Variants in MED12L observed in about 807,000 individuals in gnomAD.
MED12L encodes mediator of RNA polymerase II transcription subunit 12-like protein.
Under a neutral mutation model 281.3 loss-of-function variants are expected in MED12L, and 60 were observed. The ratio of observed to expected loss-of-function variants is 0.21; its 90% CI spans 0.17 to 0.26. MED12L has a LOEUF of 0.26. Among genes scored for constraint, MED12L ranks in the 10% least tolerant of loss-of-function variants. MED12L has a pLI of 1.00. For synonymous variants in MED12L, 974 were observed against 987.2 expected (o/e 0.99, Z 0.25); for missense variants, 2,146 against 2,680.9 (o/e 0.80, Z 4.41).
At chr3:151,137,029 G>T (rs915378399) in intron 5 of MED12L, among the ~76,000 whole-genome samples, 1 of 151,938 alleles carries the variant, frequency 6.6e-6, no homozygotes, top group African/African-American at 2.4e-5. Flanking sequence ...GGGCATGGCG[G>T]CATGTGCCTG....
At chr3:151,300,488 T>A (rs539163524) in intron 16 of MED12L, among the ~76,000 whole-genome samples, 2 of 152,330 alleles carry the variant, frequency 1.3e-5, no homozygotes, top group East Asian at 3.9e-4. Flanking sequence ...TTGGATATTA[T>A]CAAACATGAT....
chr3:151,434,114 TC>T lies in MED12L; in HGVS notation c.*1313del, dbSNP rs749565295. 12 of 152,506 alleles carry T rather than the reference TC, an allele frequency of 7.9e-5. No individual in the cohort carries two copies. Among genetic ancestry groups the T allele is most frequent in the Non-Finnish European group, 7.3e-5 (5 of 68,030 alleles). 9.4% of individuals were successfully genotyped at this position (152,506 alleles called of 1,614,324 possible). A position where few individuals can be genotyped will look rare whatever the true frequency, so the allele number is the denominator to read the frequency against. On this transcript the variant is annotated 3_prime_UTR_variant, in exon 45 of 45. Transcript: ENST00000687756. ...TTTAAAACATATGTGGGGGATATTTTCCCATGTTCTCTGTTATTTCATTTTC... is the reference window on the plus strand; with the variant it reads ...TTTAAAACATATGTGGGGGATATTTTCCATGTTCTCTGTTATTTCATTTTC...
intron 5 of MED12L, among the ~76,000 whole-genome samples, chr3:151,130,504 T>C (rs1715221059): frequency 6.6e-6 from 1 of 152,224 alleles, no homozygotes; most frequent in African/African-American, 2.4e-5. Context: ...TAATGTCAGC[T>C]TTCCACTTTG....
At chr3:151,221,876 A>T (rs545905491) in intron 16 of MED12L, among the ~76,000 whole-genome samples, 4 of 152,196 alleles carry the variant, frequency 2.6e-5, no homozygotes, top group African/African-American at 9.6e-5. Flanking sequence ...CATCCTCCAC[A>T]CTCCAGAATA....
chr3:151,222,992 C>T (rs1248734109), intron 16 of MED12L, among the ~76,000 whole-genome samples: 4 of 151,818 alleles, frequency 2.6e-5, no homozygotes, highest in East Asian at 1.9e-4. Context: ...TGAGAGGTGG[C>T]GATTGTGATC....
chr3:151,382,845 G>A (rs1044213374), intron 33 of MED12L, 100 bp downstream of exon 33: 18 of 850,634 alleles, frequency 2.1e-5, no homozygotes, highest in Non-Finnish European at 3.2e-5. Flanking sequence ...TGCATTACAA[G>A]GTGAGGCCTT....
intron 5 of MED12L, among the ~76,000 whole-genome samples, chr3:151,143,100 A>G (rs924046346): frequency 1.3e-5 from 2 of 152,232 alleles, no homozygotes; most frequent in African/African-American, 4.8e-5. Context: ...AAAATCACAC[A>G]GGAGTGAGTT....
chr3:151,117,471 T>C (rs61184267), intron 3 of MED12L, among the ~76,000 whole-genome samples: 33,293 of 152,110 alleles, frequency 0.22, 3,964 homozygotes, highest in African/African-American at 0.32. Flanking sequence ...CTACCTATCA[T>C]TACCTTTTCT....
intron 11 of MED12L, among the ~76,000 whole-genome samples, chr3:151,175,160 T>G (rs545451530): frequency 5.4e-4 from 82 of 152,368 alleles, no homozygotes; most frequent in Middle Eastern, 3.4e-3. Context: ...ACTTTTTTAC[T>G]TCTGTGACTT....
chr3:151,417,152 G>A (rs774067092), intron 43 of MED12L, among the ~76,000 whole-genome samples: 2 of 152,112 alleles, frequency 1.3e-5, no homozygotes, highest in Non-Finnish European at 2.9e-5. Context: ...ATTTAGAAGG[G>A]AATCTCCATT....
At chr3:151,422,774 G>T (rs1718400798) in intron 43 of MED12L, among the ~76,000 whole-genome samples, 1 of 150,304 alleles carries the variant, frequency 6.7e-6, no homozygotes, top group Non-Finnish European at 1.5e-5. Flanking sequence ...TGACAGAGGA[G>T]GCTGAATGTG....
At chr3:151,179,506 C>T (rs1280623437) in intron 11 of MED12L, among the ~76,000 whole-genome samples, 2 of 152,170 alleles carry the variant, frequency 1.3e-5, no homozygotes, top group Non-Finnish European at 2.9e-5. Context: ...ATTTTCACTG[C>T]CTCTCACAGC....
At chr3:151,384,294 C>A in intron 35 of MED12L, 76 bp downstream of exon 35, 1 of 1,365,614 alleles carries the variant, frequency 7.3e-7, no homozygotes, top group South Asian at 1.5e-5. Flanking sequence ...TAATTTATTA[C>A]TCATTAAATG....
At chr3:151,410,292 A>C (rs1716795367) in intron 40 of MED12L, among the ~76,000 whole-genome samples, 1 of 152,198 alleles carries the variant, frequency 6.6e-6, no homozygotes, top group Admixed American at 6.5e-5. Flanking sequence ...TCCCTCTGGG[A>C]ATCAGGAATG....
chr3:151,184,969 A>G (rs1188835760), intron 11 of MED12L, among the ~76,000 whole-genome samples: 2 of 151,998 alleles, frequency 1.3e-5, no homozygotes, highest in Non-Finnish European at 2.9e-5. Context: ...ATGTACTTTG[A>G]CTTTGTGACA....
At position 151,152,085 on chromosome 3, in the gene MED12L, G is replaced by GTTTTTT. The variant is rs141353889; in HGVS notation, c.557-4050_557-4045dup. ...AAGAATTGTGGATCAGTTGAAGGTGGTTTTTTTTTTTTTTTTTTTTTTTTT... is the reference window on the plus strand; with the variant it reads ...AAGAATTGTGGATCAGTTGAAGGTGGTTTTTTTTTTTTTTTTTTTTTTTTTTTTTTT... On this transcript the variant is annotated intron_variant, in intron 5 of 44. Transcript: ENST00000687756. Among the ~76,000 whole-genome samples the GTTTTTT allele has an allele frequency of 1.7e-3, 110 of 63,014 alleles. 15 individuals are homozygous for GTTTTTT. Among genetic ancestry groups the GTTTTTT allele is most frequent in the African/African-American group, 4.7e-3 (75 of 16,008 alleles). 41.3% of individuals were successfully genotyped at this position (63,014 alleles called of 152,430 possible). A position where few individuals can be genotyped will look rare whatever the true frequency, so the allele number is the denominator to read the frequency against.
At chr3:151,145,344 T>C (rs1194539115) in intron 5 of MED12L, among the ~76,000 whole-genome samples, 3 of 152,204 alleles carry the variant, frequency 2.0e-5, no homozygotes, top group African/African-American at 7.2e-5. Context: ...TTGTGTCTGC[T>C]AGGTACTTCT....
intron 16 of MED12L, among the ~76,000 whole-genome samples, chr3:151,215,688 T>C (rs1728072295): frequency 6.6e-6 from 1 of 152,220 alleles, no homozygotes. Flanking sequence ...AGATGTTTAC[T>C]GCCCATCTTA....
At position 151,165,840 on chromosome 3, in the gene MED12L, C is replaced by T. The variant is rs753097724; in HGVS notation, c.1358-6C>T. ...CATTAACCACTTGTTTAATTTCTGCCTATAGGGGTGACTATTAGTCGGGTT... is the reference window on the plus strand; with the variant it reads ...CATTAACCACTTGTTTAATTTCTGCTTATAGGGGTGACTATTAGTCGGGTT... On this transcript the variant is annotated splice_polypyrimidine_tract_variant and splice_region_variant and intron_variant, in intron 10 of 44. Coordinates refer to ENST00000687756, the MANE Select transcript of MED12L (RefSeq NM_001393769.1). The T allele has an allele frequency of 1.2e-6, 2 of 1,612,454 alleles. No individual in the cohort carries two copies. Among genetic ancestry groups the T allele is most frequent in the East Asian group, 2.2e-5 (1 of 44,874 alleles).
Sources: gnomAD v4.1 joint callset for allele counts (sites outside exome capture counted in the v4.1 genomes callset) on GRCh38, gnomAD v4.1.1 for gene constraint, MANE v1.5 for transcripts, NCBI Gene and HGNC (gene_info 2026-07-23, HGNC 2026-07-21) for gene names.